Variants in CPEB4 observed in about 807,000 individuals in gnomAD.
CPEB4 encodes cytoplasmic polyadenylation element binding protein 4.
In CPEB4, 12 loss-of-function variants were observed where a neutral mutation model predicts 72.5. The observed-to-expected ratio is 0.17, with a 90% confidence interval of 0.11 to 0.27. The LOEUF is 0.27. Among genes scored for constraint, CPEB4 ranks in the 10% least tolerant of loss-of-function variants. The pLI, the probability that CPEB4 is intolerant of heterozygous loss-of-function variation, is 1.00. For missense variants in CPEB4, 614 were observed against 908.5 expected (o/e 0.68, Z 4.17); for synonymous variants, 302 against 326.3 (o/e 0.93, Z 0.80).
intron 1 of CPEB4, among the ~76,000 whole-genome samples, chr5:173,897,964 C>G (rs1581108887): frequency 6.6e-6 from 1 of 152,018 alleles, no homozygotes; most frequent in African/African-American, 2.4e-5. Context: ...TGTTACATGC[C>G]AAAGAAAAAC....
chr5:173,940,657 CAA>C (rs1372869058), intron 3 of CPEB4, among the ~76,000 whole-genome samples: 1 of 151,892 alleles, frequency 6.6e-6, no homozygotes, highest in Non-Finnish European at 1.5e-5. Flanking sequence ...TGTCATATGT[CAA>C]AATTTACATG....
intron 3 of CPEB4, among the ~76,000 whole-genome samples, chr5:173,937,298 C>T (rs1757663862): frequency 6.6e-6 from 1 of 152,144 alleles, no homozygotes; most frequent in Non-Finnish European, 1.5e-5. Context: ...CTGCCTCGGC[C>T]TTCCAAAGTG....
chr5:173,912,726 G>C (rs1386510584), intron 2 of CPEB4, among the ~76,000 whole-genome samples: 1 of 150,468 alleles, frequency 6.6e-6, no homozygotes, highest in Non-Finnish European at 1.5e-5. Context: ...TGGAGCCCAG[G>C]AGTTCAAGAC....
chr5:173,913,160 AATACTT>A (rs1756728530), intron 2 of CPEB4, among the ~76,000 whole-genome samples: 1 of 151,990 alleles, frequency 6.6e-6, no homozygotes, highest in South Asian at 2.1e-4. Context: ...GCCTCTAACT[AATACTT>A]AGGTTAGATA....
At chr5:173,937,019 CTTTTT>C (rs150187685) in intron 3 of CPEB4, among the ~76,000 whole-genome samples, 1 of 97,208 alleles carries the variant, frequency 1.0e-5, no homozygotes. Flanking sequence ...CATTTCTTTC[CTTTTT>C]TTTTTTTTTT....
chr5:173,947,601 G>A (rs1028980408), intron 5 of CPEB4, among the ~76,000 whole-genome samples: 3 of 152,144 alleles, frequency 2.0e-5, no homozygotes, highest in African/African-American at 4.8e-5. Flanking sequence ...ATAGAAAGGC[G>A]GAAGGCTAGA....
At chr5:173,935,915 C>T (rs1209996942) in intron 3 of CPEB4, among the ~76,000 whole-genome samples, 3 of 152,180 alleles carry the variant, frequency 2.0e-5, no homozygotes, top group South Asian at 2.1e-4. Flanking sequence ...TCATCAATTT[C>T]CTACAGTTTC....
At chr5:173,953,411 T>TA in intron 9 of CPEB4, 139 bp downstream of exon 9, 1 of 532,924 alleles carries the variant, frequency 1.9e-6, no homozygotes, top group East Asian at 3.0e-5. Context: ...TGGTCTATAA[T>TA]ACATGAAATA....
chr5:173,956,339 G>A lies in CPEB4; in HGVS notation c.*202G>A, dbSNP rs1003013587. 7.1e-5 allele frequency: 34 copies of A among 480,046 alleles called. No homozygotes were observed. The highest frequency in any genetic ancestry group is 5.4e-4 in the Middle Eastern group (1 of 1,860). The allele number at this position is 480,046 out of a possible 1,614,324, so 29.7% of individuals were successfully genotyped here. ...TGCAAACAATATGAACTCCTTTTTC[G>A]TATTGCCATCGGGTTGCATGGAAGT... On this transcript the variant is annotated 3_prime_UTR_variant, in exon 10 of 10. Transcript: ENST00000265085.
intron 2 of CPEB4, chr5:173,918,072 G>A (rs956477904): frequency 6.6e-6 from 1 of 152,216 alleles, no homozygotes; most frequent in African/African-American, 2.4e-5. Flanking sequence ...ACGTTAAATA[G>A]CAAAGAGTAT....
At chr5:173,943,070 T>C (rs746411253) in intron 4 of CPEB4, 21 bp downstream of exon 4, 1 of 1,609,854 alleles carries the variant, frequency 6.2e-7, no homozygotes, top group Admixed American at 1.7e-5. Flanking sequence ...TTTTAACTTT[T>C]AAATGTATCA....
chr5:173,893,002 T>A (rs983719176), intron 1 of CPEB4: 5 of 81,734 alleles, frequency 6.1e-5, no homozygotes, highest in Non-Finnish European at 1.6e-4. Context: ...TAGCTCTGTG[T>A]GTGTGTGTGT....
chr5:173,941,800 C>A (rs1057269593), intron 3 of CPEB4, among the ~76,000 whole-genome samples: 2 of 152,182 alleles, frequency 1.3e-5, no homozygotes, highest in Non-Finnish European at 2.9e-5. Context: ...ATCGCTTGAA[C>A]CCGGGAGGCG....
In CPEB4 at chr5:173,888,617, G is replaced by A. The variant is rs570965299; in HGVS notation, c.-1117G>A. ...TATAGTTTAAAAAAAAATTCTGGGG[G>A]AAAAGAGAGAGAAAGCCGAGGGGGG... On this transcript the variant is annotated 5_prime_UTR_variant, in exon 1 of 10. Transcript: ENST00000265085. The surrounding 1 kb of genome is among the most constrained non-coding windows in gnomAD (Gnocchi z 4.3). 5.0e-6 allele frequency: 2 copies of A among 400,288 alleles called. No individual in the cohort carries two copies. Among genetic ancestry groups the A allele is most frequent in the East Asian group, 7.1e-5 (2 of 28,178 alleles). 24.8% of individuals were successfully genotyped at this position (400,288 alleles called of 1,614,324 possible). A position where few individuals can be genotyped will look rare whatever the true frequency, so the allele number is the denominator to read the frequency against.
Position 173,892,459 on chromosome 5 carries a change from A to G in CPEB4, c.1125+1601A>G, listed in dbSNP as rs573968260. Among the ~76,000 whole-genome samples, 4 of 152,306 alleles carry G rather than the reference A, an allele frequency of 2.6e-5. No individual in the cohort carries two copies. The South Asian group carries it at 8.3e-4, about 32-fold the overall frequency. On this transcript the variant is annotated intron_variant, in intron 1 of 9. Transcript: ENST00000265085. ...GATATTCCTTTGAACATAAATTTAA[A>G]GAAAATTTAATGCAAAGATAAGTTT...
intron 1 of CPEB4, 52 bp from the exon 2 acceptor site, chr5:173,910,471 T>C: frequency 7.8e-7 from 1 of 1,280,206 alleles, no homozygotes; most frequent in Non-Finnish European, 1.1e-6. Flanking sequence ...CTGTCCTCTT[T>C]TATATTTAAA....
At chr5:173,907,374 T>C (rs1454181245) in intron 1 of CPEB4, among the ~76,000 whole-genome samples, 4 of 152,212 alleles carry the variant, frequency 2.6e-5, no homozygotes, top group Admixed American at 6.5e-5. Context: ...ATAGTTCTTA[T>C]AAAACAAACC....
chr5:173,916,031 G>A (rs1349285429), intron 2 of CPEB4, among the ~76,000 whole-genome samples: 1 of 152,184 alleles, frequency 6.6e-6, no homozygotes, highest in African/African-American at 2.4e-5. Flanking sequence ...TTTCATGATA[G>A]TGGTTGAGTA....
chr5:173,930,587 C>G (rs779486525), intron 2 of CPEB4, among the ~76,000 whole-genome samples: 10 of 151,864 alleles, frequency 6.6e-5, no homozygotes, highest in Non-Finnish European at 1.3e-4. Context: ...TTTTTTTCTT[C>G]CATCTCCATT....
Sources: allele counts gnomAD v4.1 joint callset (sites outside exome capture counted in the v4.1 genomes callset), GRCh38; gene constraint gnomAD v4.1.1; non-coding constraint Gnocchi (gnomAD v3.1); transcripts MANE v1.5; gene names NCBI Gene and HGNC (gene_info 2026-07-23, HGNC 2026-07-21).